Variants in ARHGAP24 observed in about 807,000 individuals in gnomAD.
The protein encoded by ARHGAP24 is rho GTPase-activating protein 24.
A neutral mutation model predicts 76.4 loss-of-function variants in ARHGAP24; 50 were observed. The ratio of observed to expected loss-of-function variants is 0.65; its 90% confidence interval spans 0.52 to 0.83. ARHGAP24 has a LOEUF of 0.83. ARHGAP24 is among the 40% of genes least tolerant of loss of function. ARHGAP24 has a pLI of 0.00. For missense variants in ARHGAP24, 930 were observed against 914.2 expected (o/e 1.02, Z -0.22); for synonymous variants, 345 against 323.3 (o/e 1.07, Z -0.72).
chr4:85,727,031 A>G (rs973683319), intron 3 of ARHGAP24, among the ~76,000 whole-genome samples: 10 of 152,094 alleles, frequency 6.6e-5, no homozygotes, highest in African/African-American at 2.4e-4. Context: ...CCTGACCAAC[A>G]TGGAGAAACC....
intron 1 of ARHGAP24, 101 bp from the exon 2 acceptor site, chr4:85,570,396 TTCTTTCTTTCTTTCTTTCTTTCCTC>T: frequency 9.1e-6 from 2 of 219,272 alleles, no homozygotes; most frequent in Non-Finnish European, 1.3e-5. Flanking sequence ...CTTTCTTTCT[TTCTTTCTTTCTTTCTTTCTTTCCTC>T]TCTCTCTCTC....
intron 1 of ARHGAP24, among the ~76,000 whole-genome samples, chr4:85,534,861 G>T (rs1464455632): frequency 6.6e-6 from 1 of 150,574 alleles, no homozygotes; most frequent in Non-Finnish European, 1.5e-5. Context: ...GAACATGCTT[G>T]CTCTATCTCC....
chr4:85,665,456 G>A (rs1431856905), intron 2 of ARHGAP24, among the ~76,000 whole-genome samples: 1 of 152,146 alleles, frequency 6.6e-6, no homozygotes, highest in Admixed American at 6.5e-5. Flanking sequence ...GATGGGTCTT[G>A]ACTCCTTATC....
chr4:85,762,345 A>T (rs1263294640), intron 3 of ARHGAP24, among the ~76,000 whole-genome samples: 1 of 152,186 alleles, frequency 6.6e-6, no homozygotes, highest in Non-Finnish European at 1.5e-5. Flanking sequence ...AAATCATATG[A>T]TACTTTTTCT....
chr4:85,568,654 C>T (rs193182792), intron 1 of ARHGAP24, among the ~76,000 whole-genome samples: 244 of 152,200 alleles, frequency 1.6e-3, no homozygotes, highest in Admixed American at 3.3e-3. Flanking sequence ...TGCAGACACA[C>T]GGGCACACAC....
intron 2 of ARHGAP24, among the ~76,000 whole-genome samples, chr4:85,590,343 CTTTTTAT>C (rs1728041709): frequency 6.8e-6 from 1 of 147,894 alleles, no homozygotes; most frequent in Admixed American, 6.9e-5. Flanking sequence ...TTCTTTCCTC[CTTTTTAT>C]TTTTTATTTT....
At chr4:85,763,591 T>C (rs370076757) in intron 3 of ARHGAP24, among the ~76,000 whole-genome samples, 2 of 152,214 alleles carry the variant, frequency 1.3e-5, no homozygotes, top group East Asian at 3.8e-4. Context: ...GGGGGGTGTC[T>C]GGAATTACTT....
intron 3 of ARHGAP24, among the ~76,000 whole-genome samples, chr4:85,837,305 A>C (rs1017340481): frequency 6.6e-6 from 1 of 152,128 alleles, no homozygotes; most frequent in Non-Finnish European, 1.5e-5. Flanking sequence ...TCTAATTCTG[A>C]AATAAGGCCT....
intron 5 of ARHGAP24, among the ~76,000 whole-genome samples, chr4:85,943,584 A>G (rs1737072959): frequency 6.6e-6 from 1 of 151,996 alleles, no homozygotes; most frequent in Non-Finnish European, 1.5e-5. Context: ...ACAATTAGGT[A>G]TTTCTCCTAA....
intron 1 of ARHGAP24, among the ~76,000 whole-genome samples, chr4:85,496,058 T>C (rs1006459233): frequency 2.0e-5 from 3 of 152,230 alleles, no homozygotes; most frequent in African/African-American, 7.2e-5. Context: ...GCGAACTCTT[T>C]CTTTCAGTGA....
intron 1 of ARHGAP24, among the ~76,000 whole-genome samples, chr4:85,513,952 T>C (rs946627039): frequency 2.0e-5 from 3 of 152,194 alleles, no homozygotes; most frequent in African/African-American, 4.8e-5. Context: ...CTAATATGTG[T>C]ATGTTGTCAT....
intron 8 of ARHGAP24, 74 bp from the exon 9 acceptor site, chr4:85,994,509 T>C: frequency 7.1e-7 from 1 of 1,402,146 alleles, no homozygotes; most frequent in Non-Finnish European, 1.0e-6. Flanking sequence ...ATGTGTTTCT[T>C]TAAGAGTCAC....
intron 4 of ARHGAP24, among the ~76,000 whole-genome samples, chr4:85,939,272 T>C (rs1330512168): frequency 6.6e-6 from 1 of 152,224 alleles, no homozygotes; most frequent in Admixed American, 6.5e-5. Context: ...TTCTCAGTTG[T>C]AGAATGTACT....
chr4:85,637,803 A>T (rs2109967894), intron 2 of ARHGAP24, among the ~76,000 whole-genome samples: 1 of 152,050 alleles, frequency 6.6e-6, no homozygotes, highest in East Asian at 1.9e-4. Flanking sequence ...TATTTGGCTC[A>T]CATCAGTATT....
intron 2 of ARHGAP24, among the ~76,000 whole-genome samples, chr4:85,571,306 A>G (rs1727131442): frequency 6.6e-6 from 1 of 152,068 alleles, no homozygotes; most frequent in Non-Finnish European, 1.5e-5. Flanking sequence ...TTATTTACTT[A>G]TTTTCTCAAC....
chr4:85,777,766 A>G (rs1423600104), intron 3 of ARHGAP24, among the ~76,000 whole-genome samples: 3 of 108,844 alleles, frequency 2.8e-5, no homozygotes, highest in Non-Finnish European at 6.4e-5. Flanking sequence ...TTCGATAAAT[A>G]TTTGTTAAAT....
At chr4:85,566,941 G>A (rs1241390601) in intron 1 of ARHGAP24, among the ~76,000 whole-genome samples, 2 of 152,198 alleles carry the variant, frequency 1.3e-5, no homozygotes, top group East Asian at 3.8e-4. Flanking sequence ...TTTCTAGGCA[G>A]AAATCAGCAA....
chr4:85,824,702 A>T (rs561764022), intron 3 of ARHGAP24, among the ~76,000 whole-genome samples: 155 of 144,578 alleles, frequency 1.1e-3, no homozygotes, highest in Non-Finnish European at 1.4e-4. Context: ...AAAAAAAAAC[A>T]ACATAGAGGT....
intron 3 of ARHGAP24, among the ~76,000 whole-genome samples, chr4:85,796,484 G>T (rs1244317049): frequency 1.3e-5 from 2 of 152,014 alleles, no homozygotes; most frequent in African/African-American, 2.4e-5. Context: ...GCAAAAAAAT[G>T]GAATTTATTA....
Sources: allele counts gnomAD v4.1 joint callset (sites outside exome capture counted in the v4.1 genomes callset), GRCh38; gene constraint gnomAD v4.1.1; transcripts MANE v1.5; gene names NCBI Gene and HGNC (gene_info 2026-07-23, HGNC 2026-07-21).